Variants in MYO3B observed in about 807,000 individuals in gnomAD.
The protein encoded by MYO3B is myosin-IIIb.
MYO3B carries 156 observed loss-of-function variants against 174.6 expected under a neutral mutation model. That is an observed-to-expected ratio of 0.89 (90% CI 0.78 to 1.02). The LOEUF is 1.02. Among genes scored for constraint, MYO3B ranks in the 50% least tolerant of loss-of-function variants. MYO3B has a pLI of 0.00. For missense variants in MYO3B, 1,632 were observed against 1,639.4 expected (o/e 1.00, Z 0.08); for synonymous variants, 563 against 569.1 (o/e 0.99, Z 0.15).
In MYO3B at chr2:170,299,370, C is replaced by T. The variant is rs182388523; in HGVS notation, c.750-36015C>T. ...GGCCATCCTTGCTCCCTGGACATTG[C>T]CACTGGCTTGTCTGATATCACAGTC... On this transcript the variant is annotated intron_variant, in intron 7 of 34. Coordinates refer to ENST00000408978, the MANE Select transcript of MYO3B (RefSeq NM_138995.5). Among the ~76,000 whole-genome samples the T allele has an allele frequency of 4.3e-3, 661 of 152,306 alleles. 4 individuals are homozygous for T. Among genetic ancestry groups the T allele is most frequent in the Non-Finnish European group, 8.2e-3 (558 of 68,030 alleles).
chr2:170,442,598 A>G (rs2094809429), intron 22 of MYO3B, among the ~76,000 whole-genome samples: 1 of 150,592 alleles, frequency 6.6e-6, no homozygotes, highest in Admixed American at 6.7e-5. Context: ...GGTGTGCTGC[A>G]CCCATTAACT....
At chr2:170,423,304 G>A (rs942000121) in intron 22 of MYO3B, among the ~76,000 whole-genome samples, 23 of 152,190 alleles carry the variant, frequency 1.5e-4, no homozygotes, top group Admixed American at 4.6e-4. Flanking sequence ...CATTTCATAT[G>A]TGCAGTAGCC....
intron 6 of MYO3B, among the ~76,000 whole-genome samples, chr2:170,224,836 G>A (rs1405592022): frequency 1.3e-5 from 2 of 152,142 alleles, no homozygotes; most frequent in African/African-American, 4.8e-5. Flanking sequence ...TCTCTGCCTG[G>A]CAAAGGGTCG....
chr2:170,286,749 C>T (rs137877893), intron 7 of MYO3B, among the ~76,000 whole-genome samples: 2 of 151,914 alleles, frequency 1.3e-5, no homozygotes, highest in Admixed American at 6.6e-5. Flanking sequence ...TGTTTTTGTT[C>T]GTATTTTTTC....
rs150030716 is a variant in MYO3B, at chr2:170,649,569, G to A, written c.3734-2059G>A. ...AAGCTGGGCACGGTGGCTCATGCCT[G>A]TAATCCCAGCACTTTAGGAGGCCGA... On this transcript the variant is annotated intron_variant, in intron 32 of 34. Transcript: ENST00000408978. Among the ~76,000 whole-genome samples the A allele has an allele frequency of 1.6e-3, 237 of 149,254 alleles. 1 individual carries two copies. Among genetic ancestry groups the A allele is most frequent in the African/African-American group, 5.6e-3 (227 of 40,626 alleles).
chr2:170,369,221 G>T lies in MYO3B; in HGVS notation c.816-1G>T. The T allele has an allele frequency of 6.2e-7, 1 of 1,611,804 alleles. No homozygotes were observed. The highest frequency in any genetic ancestry group is 8.5e-7 in the Non-Finnish European group (1 of 1,178,464). ...GATTGTTTGTTGGTTTTTGCAAACA[G>T]GTGTCTTATTAAGGATTTTGAAAGG... On this transcript the variant is annotated splice_acceptor_variant, in intron 8 of 34. Transcript: ENST00000408978. LOFTEE classifies it high-confidence loss of function.
intron 22 of MYO3B, among the ~76,000 whole-genome samples, chr2:170,440,319 T>C (rs2094789973): frequency 6.6e-6 from 1 of 152,190 alleles, no homozygotes; most frequent in South Asian, 2.1e-4. Context: ...CTGCAAAAGA[T>C]GCCATTGGGA....
At chr2:170,210,067 G>C (rs942549418) in intron 3 of MYO3B, among the ~76,000 whole-genome samples, 1 of 152,136 alleles carries the variant, frequency 6.6e-6, no homozygotes, top group Non-Finnish European at 1.5e-5. Flanking sequence ...ATTACCAAAA[G>C]TTATTTATTT....
At chr2:170,438,284 A>G (rs1273158973) in intron 22 of MYO3B, among the ~76,000 whole-genome samples, 1 of 152,040 alleles carries the variant, frequency 6.6e-6, no homozygotes, top group Non-Finnish European at 1.5e-5. Flanking sequence ...AAGGCTGGGT[A>G]TTCAATTGTA....
intron 8 of MYO3B, among the ~76,000 whole-genome samples, chr2:170,366,766 C>T (rs530643082): frequency 6.6e-6 from 1 of 152,310 alleles, no homozygotes; most frequent in Non-Finnish European, 1.5e-5. Flanking sequence ...CCCTCTCTAA[C>T]ATATCAAATG....
chr2:170,363,538 C>A (rs1341349533), intron 8 of MYO3B, among the ~76,000 whole-genome samples: 1 of 152,144 alleles, frequency 6.6e-6, no homozygotes, highest in East Asian at 1.9e-4. Flanking sequence ...TTGTTTCTTG[C>A]TAAGAAATGT....
chr2:170,294,016 A>C (rs1414097642), intron 7 of MYO3B, among the ~76,000 whole-genome samples: 1 of 151,924 alleles, frequency 6.6e-6, no homozygotes, highest in African/African-American at 2.4e-5. Flanking sequence ...TTTACTTCTC[A>C]GAATCCTCAA....
chr2:170,429,358 T>A (rs1248262700), intron 22 of MYO3B, among the ~76,000 whole-genome samples: 2 of 152,182 alleles, frequency 1.3e-5, no homozygotes, highest in Non-Finnish European at 2.9e-5. Context: ...ACCATCCACC[T>A]TTGGCCACAC....
At chr2:170,450,118 AT>A (rs1683505047) in intron 23 of MYO3B, among the ~76,000 whole-genome samples, 1 of 152,244 alleles carries the variant, frequency 6.6e-6, no homozygotes, top group Non-Finnish European at 1.5e-5. Context: ...AAGGCTTAAT[AT>A]ACATTAAATT....
chr2:170,478,573 G>GTTTTTTTTTTTTTTGTGT (rs34745716), intron 25 of MYO3B, among the ~76,000 whole-genome samples: 1 of 126,462 alleles, frequency 7.9e-6, no homozygotes, highest in African/African-American at 3.1e-5. Context: ...GTTTTTTTGT[G>GTTTTTTTTTTTTTTGTGT]TTTTTTTTTT....
At chr2:170,588,200 G>C (rs1575207134) in intron 32 of MYO3B, among the ~76,000 whole-genome samples, 1 of 152,064 alleles carries the variant, frequency 6.6e-6, no homozygotes, top group African/African-American at 2.4e-5. Flanking sequence ...GGGAGGCCGA[G>C]GAGGGTGGAT....
At chr2:170,368,411 A>G (rs756959959) in intron 8 of MYO3B, among the ~76,000 whole-genome samples, 4 of 152,248 alleles carry the variant, frequency 2.6e-5, no homozygotes, top group Non-Finnish European at 5.9e-5. Flanking sequence ...TATTCGTCAG[A>G]TTCAATTTCA....
At chr2:170,203,253 A>C (rs1032602042) in intron 3 of MYO3B, among the ~76,000 whole-genome samples, 1 of 152,196 alleles carries the variant, frequency 6.6e-6, no homozygotes, top group Non-Finnish European at 1.5e-5. Context: ...CTAAAGCATG[A>C]ACTATATTTT....
chr2:170,247,890 A>T (rs994650162), intron 7 of MYO3B, among the ~76,000 whole-genome samples: 1 of 152,226 alleles, frequency 6.6e-6, no homozygotes, highest in Admixed American at 6.5e-5. Flanking sequence ...GGACATAAAC[A>T]TTCAGACCAT....
Sources: allele counts gnomAD v4.1 joint callset (sites outside exome capture counted in the v4.1 genomes callset), GRCh38; gene constraint gnomAD v4.1.1; transcripts MANE v1.5; gene names NCBI Gene and HGNC (gene_info 2026-07-23, HGNC 2026-07-21).